SUPT3H: variants seen among roughly 807,000 people sequenced by gnomAD.
SUPT3H encodes the protein SPT3 homolog, SAGA and STAGA complex component, also known as transcription initiation protein SPT3 homolog.
A neutral mutation model predicts 44.3 loss-of-function variants in SUPT3H; 44 were observed. The observed-to-expected ratio is 0.99, with a 90% CI of 0.78 to 1.28. The LOEUF is 1.28. Among genes scored for constraint, SUPT3H ranks in the 50% most tolerant of loss-of-function variants. The probability of loss-of-function intolerance (pLI) is 0.00; values close to 1 mark genes in which losing one functional copy is unlikely to be tolerated. For synonymous variants in SUPT3H, 124 were observed against 125.6 expected, an observed-to-expected ratio of 0.99 and a Z score of 0.09; for missense variants, 380 against 387.1, an observed-to-expected ratio of 0.98 and a Z score of 0.15.
At chr6:45,323,303 A>C (rs748222479) in intron 2 of SUPT3H, among the ~76,000 whole-genome samples, 1 of 152,158 alleles carries the variant, frequency 6.6e-6, no homozygotes, top group Non-Finnish European at 1.5e-5. Context: ...AAAATTGCTG[A>C]AGTCTGACAG....
At chr6:45,237,836 G>A (rs554962019) in intron 2 of SUPT3H, among the ~76,000 whole-genome samples, 66 of 152,246 alleles carry the variant, frequency 4.3e-4, no homozygotes, top group African/African-American at 1.5e-3. Context: ...AATGGAGAAT[G>A]TTAACTAACT....
intron 2 of SUPT3H, among the ~76,000 whole-genome samples, chr6:45,149,044 A>T (rs896256384): frequency 3.9e-5 from 6 of 152,214 alleles, no homozygotes; most frequent in Non-Finnish European, 7.3e-5. Context: ...TGGACATCTT[A>T]AATTTCCAAT....
At chr6:45,141,383 G>GAT (rs1439237634) in intron 2 of SUPT3H, among the ~76,000 whole-genome samples, 1 of 142,130 alleles carries the variant, frequency 7.0e-6, no homozygotes, top group Non-Finnish European at 1.5e-5. Context: ...TCAGAAGGTT[G>GAT]ATTATTAAGC....
chr6:44,938,303 T>C (rs182041353), intron 9 of SUPT3H, among the ~76,000 whole-genome samples: 51 of 152,250 alleles, frequency 3.3e-4, no homozygotes, highest in Admixed American at 2.7e-3. Flanking sequence ...GCTGATCCAA[T>C]TCCCCAGCTC....
chr6:45,163,482 A>G (rs377179062), intron 2 of SUPT3H, among the ~76,000 whole-genome samples: 2 of 152,180 alleles, frequency 1.3e-5, no homozygotes, highest in East Asian at 1.9e-4. Flanking sequence ...TTTTAAAAAA[A>G]CTTACGTAAA....
At chr6:45,350,303 A>G (rs1370613035) in intron 2 of SUPT3H, among the ~76,000 whole-genome samples, 3 of 152,212 alleles carry the variant, frequency 2.0e-5, no homozygotes, top group African/African-American at 7.2e-5. Context: ...GTATATAATA[A>G]TCTTCTAGAT....
At chr6:44,877,894 C>G (rs1777566166) in intron 10 of SUPT3H, among the ~76,000 whole-genome samples, 1 of 152,148 alleles carries the variant, frequency 6.6e-6, no homozygotes, top group Non-Finnish European at 1.5e-5. Context: ...TATTGACTTC[C>G]AAAGGTTCTT....
At chr6:45,206,630 A>C (rs183291219) in intron 2 of SUPT3H, among the ~76,000 whole-genome samples, 224 of 152,322 alleles carry the variant, frequency 1.5e-3, no homozygotes, top group African/African-American at 5.1e-3. Context: ...GAAATGAAAA[A>C]CAGGAGCAAA....
At chr6:45,141,877 A>G (rs1805273026) in intron 2 of SUPT3H, among the ~76,000 whole-genome samples, 1 of 152,236 alleles carries the variant, frequency 6.6e-6, no homozygotes, top group Non-Finnish European at 1.5e-5. Flanking sequence ...ACATTCAAAT[A>G]CAATAAACTC....
At chr6:45,074,271 T>C (rs1019027884) in intron 3 of SUPT3H, among the ~76,000 whole-genome samples, 2 of 151,918 alleles carry the variant, frequency 1.3e-5, no homozygotes, top group Admixed American at 1.3e-4. Context: ...ATAGGTACCA[T>C]ATAACTATAA....
At chr6:45,171,515 A>G (rs1380763012) in intron 2 of SUPT3H, among the ~76,000 whole-genome samples, 1 of 152,046 alleles carries the variant, frequency 6.6e-6, no homozygotes, top group African/African-American at 2.4e-5. Context: ...AAAACCCAAA[A>G]CCACCATGGT....
intron 6 of SUPT3H, among the ~76,000 whole-genome samples, chr6:44,988,166 G>C (rs1482603114): frequency 6.6e-6 from 1 of 151,882 alleles, no homozygotes; most frequent in Admixed American, 6.6e-5. Flanking sequence ...TTACTGAAGA[G>C]GGTCTGTGGT....
At chr6:44,975,311 T>G (rs1778169341) in intron 6 of SUPT3H, among the ~76,000 whole-genome samples, 1 of 152,210 alleles carries the variant, frequency 6.6e-6, no homozygotes, top group Non-Finnish European at 1.5e-5. Context: ...GTATTCTAAC[T>G]AACGAACTAA....
At chr6:45,232,527 C>T (rs556006468) in intron 2 of SUPT3H, among the ~76,000 whole-genome samples, 14 of 152,118 alleles carry the variant, frequency 9.2e-5, no homozygotes, top group African/African-American at 1.7e-4. Context: ...CAGGCCAATT[C>T]GTGGGCACCC....
At position 44,894,147 on chromosome 6, in the gene SUPT3H, GA is replaced by G. The variant is rs1582297606; in HGVS notation, c.912+38505del. Among the ~76,000 whole-genome samples, 4 of 131,532 alleles carry G rather than the reference GA, an allele frequency of 3.0e-5. No homozygotes were observed. The East Asian group carries it at 8.4e-4, about 28-fold the overall frequency. The allele number at this position is 131,532 out of a possible 152,430, so 86.3% of individuals were successfully genotyped here. ...GCCCTTTGTCAGATGAGTAGGTTGC[GA>G]AAATTTTCTCCCATGTTGTAGGTTG... is the stretch of plus-strand genomic sequence containing the variant. On this transcript the variant is annotated intron_variant, in intron 10 of 10. Transcript: ENST00000371459.
intron 10 of SUPT3H, among the ~76,000 whole-genome samples, chr6:44,860,083 C>T (rs1774379519): frequency 6.6e-6 from 1 of 152,154 alleles, no homozygotes; most frequent in South Asian, 2.1e-4. Flanking sequence ...TCTTCATAAA[C>T]ACTCTTAATA....
chr6:45,328,455 G>A, intron 2 of SUPT3H: 12 of 1,468,720 alleles, frequency 8.2e-6, no homozygotes, highest in East Asian at 3.2e-5. Context: ...GAGACCAACA[G>A]AGTCAGTGAG....
chr6:45,285,943 G>A (rs1350427668), intron 2 of SUPT3H, among the ~76,000 whole-genome samples: 30 of 148,884 alleles, frequency 2.0e-4, no homozygotes, highest in Non-Finnish European at 2.8e-4. Flanking sequence ...ATAATGCCAC[G>A]TATCTACAAC....
chr6:45,362,694 C>G (rs1263691248), intron 2 of SUPT3H, among the ~76,000 whole-genome samples: 1 of 152,124 alleles, frequency 6.6e-6, no homozygotes, highest in East Asian at 1.9e-4. Flanking sequence ...TCTATGAGGT[C>G]TGAAATAGAA....
Sources: allele counts gnomAD v4.1 joint callset (sites outside exome capture counted in the v4.1 genomes callset), GRCh38; gene constraint gnomAD v4.1.1; transcripts MANE v1.5; gene names NCBI Gene and HGNC (gene_info 2026-07-23, HGNC 2026-07-21).